Variants in RFC2 observed in about 807,000 individuals in gnomAD.
RFC2 encodes replication factor C subunit 2.
Under a neutral mutation model 44.8 loss-of-function variants are expected in RFC2, and 34 were observed. That is an observed-to-expected ratio of 0.76 (90% CI 0.58 to 1.01). The LOEUF is 1.01. Ranked by LOEUF, RFC2 falls within the 50% of genes least tolerant of loss-of-function variation. The probability of loss-of-function intolerance (pLI) is 0.00; values close to 1 mark genes in which losing one functional copy is unlikely to be tolerated. For missense variants in RFC2, 400 were observed against 453.6 expected (o/e 0.88, Z 1.07); for synonymous variants, 177 against 168.9 (o/e 1.05, Z -0.37).
In RFC2 at chr7:74,239,959, C is replaced by T. The variant is rs140621412; in HGVS notation, c.672G>A (p.Thr224=). 2.5e-6 allele frequency: 4 copies of T among 1,609,884 alleles called. No homozygotes were observed. Among genetic ancestry groups the T allele is most frequent in the African/African-American group, 2.7e-5 (2 of 74,940 alleles). The change falls in exon 7 of 11, where the codon ACG becomes ACA. Residue 224 remains threonine, a synonymous_variant. Transcript: ENST00000055077. The part of the protein sequence containing the change: ...TDDGLEAIIF[T]AQGDMRQALN... ...ATACCTGCCTCATGTCTCCCTGGGC[C>T]GTGAAGATGATGGCTTCTAGGCCGT...
At position 74,232,225 on chromosome 7, in the gene RFC2, C is replaced by T. The variant is rs782211144; in HGVS notation, c.955-9G>A. ...TGAGTGTATCCAATTTCCTGAAAAACAAACCAAATTCAAATCTGGTTAATA... is the reference window on the plus strand; with the variant it reads ...TGAGTGTATCCAATTTCCTGAAAAATAAACCAAATTCAAATCTGGTTAATA... On this transcript the variant is annotated splice_polypyrimidine_tract_variant and intron_variant, in intron 10 of 10. Transcript: ENST00000055077. 9.9e-6 allele frequency: 15 copies of T among 1,507,598 alleles called. No individual in the cohort carries two copies. The South Asian group carries it at 1.5e-4, about 15-fold the overall frequency. The allele number at this position is 1,507,598 out of a possible 1,614,324, so 93.4% of individuals were successfully genotyped here. A position where few individuals can be genotyped will look rare whatever the true frequency, so the allele number is the denominator to read the frequency against.
chr7:74,249,242 C>T, intron 3 of RFC2, 124 bp from the exon 4 acceptor site: 1 of 1,542,770 alleles, frequency 6.5e-7, no homozygotes, highest in Non-Finnish European at 8.7e-7. Context: ...CCACAGCACA[C>T]ACAGATCAAT....
intron 6 of RFC2, among the ~76,000 whole-genome samples, chr7:74,242,842 G>A (rs1803412713): frequency 6.6e-6 from 1 of 151,292 alleles, no homozygotes; most frequent in South Asian, 2.1e-4. Flanking sequence ...AGAATTGCTT[G>A]AACCTTGGAG....
At position 74,243,120 on chromosome 7, in the gene RFC2, C is replaced by T. The variant is rs781837991; in HGVS notation, c.535+26G>A. ...AAGCCCAGTTGAGCACCACGTGGCC[C>T]CCAGCCACCGAAAGCTCCCACTCAC... On this transcript the variant is annotated intron_variant, in intron 6 of 10. Transcript: ENST00000055077. 5 of 1,510,676 alleles carry T rather than the reference C, an allele frequency of 3.3e-6. No individual in the cohort carries two copies. The South Asian group carries it at 4.5e-5, about 14-fold the overall frequency. The allele number at this position is 1,510,676 out of a possible 1,614,324, so 93.6% of individuals were successfully genotyped here.
chr7:74,242,593 T>TA (rs1446496686), intron 6 of RFC2, among the ~76,000 whole-genome samples: 5 of 151,580 alleles, frequency 3.3e-5, no homozygotes, highest in African/African-American at 9.7e-5. Flanking sequence ...TGCTACACAA[T>TA]AAAAAAATCC....
In RFC2 at chr7:74,232,139, C is replaced by T. The variant is rs149316712; in HGVS notation, c.1032G>A (p.Leu344=). The T allele has an allele frequency of 5.4e-4, 863 of 1,612,596 alleles. No homozygotes were observed. The highest frequency in any genetic ancestry group is 6.8e-4 in the Non-Finnish European group (804 of 1,178,548). ...LLQMAGLLAR[L]CQKTMAPVAS ...CCACCGGGGCCATTGTCTTCTGACA[C>T]AGCCTTGCCAGGAGGCCTGCCATCT... Residue 344 remains leucine (L), a synonymous_variant, in exon 11 of 11, where the codon CTG becomes CTA. Coordinates refer to ENST00000055077, the MANE Select transcript of RFC2 (RefSeq NM_181471.3).
At chr7:74,250,882 G>A (rs1200771204) in intron 2 of RFC2, among the ~76,000 whole-genome samples, 5 of 151,920 alleles carry the variant, frequency 3.3e-5, no homozygotes, top group African/African-American at 9.7e-5. Flanking sequence ...TCCGCCTCCC[G>A]GGTTCAAGCG....
At chr7:74,235,434 G>A (rs561731693) in intron 10 of RFC2, 98 bp downstream of exon 10, 55 of 793,866 alleles carry the variant, frequency 6.9e-5, no homozygotes, top group Non-Finnish European at 1.1e-4. Flanking sequence ...TGCCCACCTC[G>A]GCCTCCCAAA....
At chr7:74,248,586 CCTT>C (rs1803758225) in intron 4 of RFC2, among the ~76,000 whole-genome samples, 1 of 151,790 alleles carries the variant, frequency 6.6e-6, no homozygotes, top group South Asian at 2.1e-4. Flanking sequence ...ACTGTAACCT[CCTT>C]CTCCTGGGTT....
intron 9 of RFC2, among the ~76,000 whole-genome samples, chr7:74,237,102 T>C (rs890438512): frequency 6.6e-6 from 1 of 151,698 alleles, no homozygotes. Context: ...GATTAACACA[T>C]AGCATGATAT....
rs1803169155 is a variant in RFC2 at position 74,239,005 on chromosome 7, A to T, written c.694-17T>A. The T allele has an allele frequency of 3.7e-6, 6 of 1,604,844 alleles. No homozygotes were observed. In the East Asian group the frequency reaches 1.3e-4, roughly 36 times the overall value. On this transcript the variant is annotated splice_polypyrimidine_tract_variant and intron_variant, in intron 7 of 10. Coordinates refer to ENST00000055077, the MANE Select transcript of RFC2 (RefSeq NM_181471.3). The stretch of plus-strand genomic sequence containing the variant: ...GTTCAGCGCCTGTTCAGGAGCAAAC[A>T]CATGTCAAGGATGATTTTTATATTT...
At chr7:74,234,860 G>C (rs1563985426) in intron 10 of RFC2, among the ~76,000 whole-genome samples, 1 of 152,088 alleles carries the variant, frequency 6.6e-6, no homozygotes, top group African/African-American at 2.4e-5. Context: ...TACATGTACA[G>C]CCTGCAGAAC....
intron 5 of RFC2, among the ~76,000 whole-genome samples, chr7:74,243,803 A>G (rs1451471840): frequency 1.3e-5 from 2 of 150,350 alleles, no homozygotes; most frequent in African/African-American, 2.4e-5. Flanking sequence ...TCTACAAAAA[A>G]TTTTAAAAAA....
Position 74,243,198 on chromosome 7 carries a change from G to A in RFC2, c.483C>T (p.Tyr161=), listed in dbSNP as rs1554719495. The A allele has an allele frequency of 1.9e-6, 3 of 1,614,018 alleles. No homozygotes were observed. Among genetic ancestry groups the A allele is most frequent in the South Asian group, 2.2e-5 (2 of 91,078 alleles). ...QQALRRTMEI[Y]SKTTRFALAC... ...CAAGGGCGAAGCGAGTGGTTTTAGA[G>A]TAGATTTCCATGGTTCTCCTCAAGG... Residue 161 remains tyrosine, a synonymous_variant, in exon 6 of 11, where the codon TAC becomes TAT. Transcript: ENST00000055077.
At position 74,237,443 on chromosome 7, in the gene RFC2, C is replaced by G. The variant is rs1554718515; in HGVS notation, c.760-1G>C. Reference sequence around the variant, plus strand: ...GCAGTGGGTGGGGCTCGTCACAGACCTGGCCAAAGGGAAAGGAAAGGCGGT... The same window carrying G: ...GCAGTGGGTGGGGCTCGTCACAGACGTGGCCAAAGGGAAAGGAAAGGCGGT... On this transcript the variant is annotated splice_acceptor_variant, in intron 8 of 10. Transcript: ENST00000055077. LOFTEE classifies it high-confidence loss of function. The G allele has an allele frequency of 7.6e-6, 12 of 1,579,840 alleles. No individual in the cohort carries two copies. Among genetic ancestry groups the G allele is most frequent in the Non-Finnish European group, 1.0e-5 (12 of 1,159,512 alleles).
At chr7:74,244,128 C>T (rs1554719654) in intron 5 of RFC2, among the ~76,000 whole-genome samples, 2 of 147,416 alleles carry the variant, frequency 1.4e-5, no homozygotes, top group African/African-American at 2.5e-5. Flanking sequence ...ATTGTCTGGG[C>T]GTGGTGGCGC....
At chr7:74,233,238 C>A (rs576557627) in intron 10 of RFC2, among the ~76,000 whole-genome samples, 1 of 151,308 alleles carries the variant, frequency 6.6e-6, no homozygotes, top group African/African-American at 2.4e-5. Flanking sequence ...GTAGGCCAGG[C>A]GCAGTGGCTC....
rs781821398 is a variant in RFC2, at chr7:74,239,940, G to A, written c.691C>T (p.Gln231Ter). ...IIFTAQGDMR[Q>*]ALNNLQSTFS... is the part of the protein sequence containing the mutation. Reference sequence around the variant, plus strand: ...CTGAATGGTAGCAGCCCACATACCTGCCTCATGTCTCCCTGGGCCGTGAAG... The same window carrying A: ...CTGAATGGTAGCAGCCCACATACCTACCTCATGTCTCCCTGGGCCGTGAAG... The change falls in exon 7 of 11, where the codon CAG becomes TAG. Residue 231 changes from glutamine (Q) to a stop codon, truncating the protein, a stop_gained and splice_region_variant. Transcript: ENST00000055077. LOFTEE classifies it high-confidence loss of function. 1.2e-6 allele frequency: 2 copies of A among 1,602,420 alleles called. No homozygotes were observed. Among genetic ancestry groups the A allele is most frequent in the Non-Finnish European group, 1.7e-6 (2 of 1,174,360 alleles).
At chr7:74,241,519 C>T (rs1029435763) in intron 6 of RFC2, among the ~76,000 whole-genome samples, 3 of 152,152 alleles carry the variant, frequency 2.0e-5, no homozygotes, top group Non-Finnish European at 4.4e-5. Context: ...TCGGCAACAG[C>T]GGCCTGGGTG....
Sources: gnomAD v4.1 joint callset for allele counts (sites outside exome capture counted in the v4.1 genomes callset) on GRCh38, gnomAD v4.1.1 for gene constraint, MANE v1.5 for transcripts, NCBI Gene and HGNC (gene_info 2026-07-23, HGNC 2026-07-21) for gene names.